NCR1: variants seen among roughly 807,000 people sequenced by gnomAD.
The protein encoded by NCR1 is natural cytotoxicity triggering receptor 1, also known as NK cell-activating receptor.
NCR1 carries 30 observed loss-of-function variants against 32.5 expected under a neutral mutation model. That is an observed-to-expected ratio of 0.92 (90% confidence interval 0.69 to 1.25). The LOEUF (loss-of-function observed/expected upper bound fraction) is 1.25. Ranked by LOEUF, NCR1 falls within the 50% of genes most tolerant of loss-of-function variation. The probability of loss-of-function intolerance (pLI) is 0.00; values close to 1 mark genes in which losing one functional copy is unlikely to be tolerated. For missense variants in NCR1, 369 were observed against 380.7 expected (o/e 0.97, Z 0.26); for synonymous variants, 169 against 143.4 (o/e 1.18, Z -1.28).
At chr19:54,926,205 G>GGGGTGTGTGTGTGTGT in the NCR1 span, among the ~76,000 whole-genome samples, 4 of 143,642 alleles carry the variant, frequency 2.8e-5, no homozygotes, top group African/African-American at 7.5e-5. Context: ...AATGATTAGG[G>GGGGTGTGTGTGTGTGT]GTGTGTGTGT....
chr19:54,902,080 C>G (rs182144189), upstream of NCR1, among the ~76,000 whole-genome samples: 9 of 152,292 alleles, frequency 5.9e-5, no homozygotes, highest in East Asian at 9.6e-4. Flanking sequence ...GTGGATAGAT[C>G]AGACAATAGT....
chr19:54,918,035 C>T (rs1386586325), downstream of NCR1, among the ~76,000 whole-genome samples: 1 of 152,100 alleles, frequency 6.6e-6, no homozygotes, highest in Admixed American at 6.6e-5. Flanking sequence ...CTGCTCACTG[C>T]AAGCTCCGCC....
chr19:54,912,309 G>T, intron 6 of NCR1, 91 bp downstream of exon 6: 1 of 1,336,984 alleles, frequency 7.5e-7, no homozygotes, highest in South Asian at 1.2e-5. Flanking sequence ...ACAAGAGGGT[G>T]TCCTTGGCCA....
At chr19:54,918,503 G>A (rs926447697), downstream of NCR1, among the ~76,000 whole-genome samples, 6 of 151,948 alleles carry the variant, frequency 3.9e-5, no homozygotes, top group African/African-American at 1.4e-4. Flanking sequence ...CGAACTCCTG[G>A]CCTCAAGTGA....
In NCR1 at chr19:54,910,257, G is replaced by A. The variant is rs587641765; in HGVS notation, c.682+192G>A. ...TTGAGACCAGCCTGGCCAACATGGC[G>A]AAACCCTGTCTCTACTAAAAATACA... On this transcript the variant is annotated intron_variant, in intron 5 of 6. Coordinates refer to ENST00000291890, the MANE Select transcript of NCR1 (RefSeq NM_004829.7). Among the ~76,000 whole-genome samples the A allele has an allele frequency of 1.2e-4, 19 of 152,132 alleles. No homozygotes were observed. In the East Asian group the frequency reaches 1.4e-3, roughly 11 times the overall value.
chr19:54,905,654 T>G (rs1465565645), upstream of NCR1, among the ~76,000 whole-genome samples: 1 of 152,142 alleles, frequency 6.6e-6, no homozygotes. Context: ...AAGGGAGAGA[T>G]AAGGCTCACT....
At chr19:54,918,042 C>T (rs575814808), downstream of NCR1, among the ~76,000 whole-genome samples, 4 of 152,184 alleles carry the variant, frequency 2.6e-5, no homozygotes, top group East Asian at 5.8e-4. Context: ...CTGCAAGCTC[C>T]GCCTCCCGGG....
At chr19:54,936,366 G>A in the NCR1 span, 4 of 1,613,866 alleles carry the variant, frequency 2.5e-6, no homozygotes, top group South Asian at 4.4e-5. Flanking sequence ...GTGCGTGAGG[G>A]TCTTCTTCCC....
At chr19:54,923,025 G>A in the NCR1 span, among the ~76,000 whole-genome samples, 4 of 152,072 alleles carry the variant, frequency 2.6e-5, no homozygotes, top group African/African-American at 7.2e-5. Flanking sequence ...GCCCGTGGGA[G>A]CCGAGCAGAA....
At chr19:54,930,758 T>C in the NCR1 span, 2 of 1,041,792 alleles carry the variant, frequency 1.9e-6, no homozygotes, top group South Asian at 1.3e-5. Context: ...CTTCCACTTA[T>C]ATACTGGAAT....
At chr19:54,927,970 G>A in the NCR1 span, among the ~76,000 whole-genome samples, 3 of 152,198 alleles carry the variant, frequency 2.0e-5, no homozygotes, top group Non-Finnish European at 4.4e-5. Flanking sequence ...ACAGACACCT[G>A]TAGCCCCAGC....
At chr19:54,901,306 A>G (rs1275341572), upstream of NCR1, among the ~76,000 whole-genome samples, 4 of 136,402 alleles carry the variant, frequency 2.9e-5, no homozygotes, top group Admixed American at 8.0e-5. Flanking sequence ...GCTTGCAGAG[A>G]GCCGAGATTG....
At chr19:54,903,516 A>ATG (rs149839569), upstream of NCR1, among the ~76,000 whole-genome samples, 11,282 of 130,878 alleles carry the variant, frequency 0.086, 982 homozygotes, top group South Asian at 0.17. Flanking sequence ...ACACGCATAC[A>ATG]TGTGTGTATA....
the NCR1 span, chr19:54,934,753 A>G: frequency 1.0e-5 from 11 of 1,064,734 alleles, no homozygotes; most frequent in Non-Finnish European, 9.4e-6. The surrounding 1 kb of genome is among the most constrained non-coding windows in gnomAD (Gnocchi z 6.7). Context: ...TCTGTTGCCC[A>G]GTCTGGAATG....
chr19:54,914,424 C>T (rs2068091238), downstream of NCR1, among the ~76,000 whole-genome samples: 1 of 152,050 alleles, frequency 6.6e-6, no homozygotes, highest in African/African-American at 2.4e-5. Context: ...CTGCCACCTC[C>T]ACCTCCAGGG....
At chr19:54,922,701 C>T in the NCR1 span, among the ~76,000 whole-genome samples, 2 of 146,204 alleles carry the variant, frequency 1.4e-5, no homozygotes, top group Admixed American at 7.0e-5. Flanking sequence ...ATCACTTGAA[C>T]CTGGGAGGCG....
the NCR1 span, among the ~76,000 whole-genome samples, chr19:54,930,041 G>A: frequency 1.3e-5 from 2 of 150,646 alleles, no homozygotes; most frequent in African/African-American, 2.4e-5. Context: ...CGAGAACCCG[G>A]GAGGAAGAGG....
downstream of NCR1, among the ~76,000 whole-genome samples, chr19:54,919,218 CAAAG>C (rs1420106990): frequency 6.7e-6 from 1 of 150,040 alleles, no homozygotes; most frequent in East Asian, 2.0e-4. Context: ...AGACACAAGA[CAAAG>C]AGACAAGAGA....
At chr19:54,931,010 G>GA in the NCR1 span, among the ~76,000 whole-genome samples, 1 of 152,008 alleles carries the variant, frequency 6.6e-6, no homozygotes, top group African/African-American at 2.4e-5. Flanking sequence ...GCGACAGAGC[G>GA]AGACTCCGTC....
Sources: allele counts gnomAD v4.1 joint callset (sites outside exome capture counted in the v4.1 genomes callset), GRCh38; gene constraint gnomAD v4.1.1; non-coding constraint Gnocchi (gnomAD v3.1); transcripts MANE v1.5; gene names NCBI Gene and HGNC (gene_info 2026-07-23, HGNC 2026-07-21).